The following ALDH1A2 variants were observed in gnomAD, a reference collection of about 807,000 sequenced individuals.
ALDH1A2 encodes the protein retinal dehydrogenase 2.
In ALDH1A2, 27 loss-of-function variants were observed where a neutral mutation model predicts 60.3. That is an observed-to-expected ratio of 0.45 (90% CI 0.33 to 0.62). ALDH1A2 has a LOEUF of 0.62. Among genes scored for constraint, ALDH1A2 ranks in the 20% least tolerant of loss-of-function variants. The probability of loss-of-function intolerance (pLI) is 0.02; values close to 1 mark genes in which losing one functional copy is unlikely to be tolerated. For synonymous variants in ALDH1A2, 289 were observed against 232.4 expected (o/e 1.24, Z -2.21); for missense variants, 581 against 643.8 (o/e 0.90, Z 1.06).
intron 7 of ALDH1A2, among the ~76,000 whole-genome samples, chr15:57,985,346 A>T (rs1894661976): frequency 6.6e-6 from 1 of 152,152 alleles, no homozygotes; most frequent in Admixed American, 6.5e-5. Flanking sequence ...TGAAACCTTG[A>T]TAGACCACCC....
At chr15:58,027,669 G>T (rs1329914643) in intron 1 of ALDH1A2, among the ~76,000 whole-genome samples, 2 of 152,060 alleles carry the variant, frequency 1.3e-5, no homozygotes, top group Non-Finnish European at 2.9e-5. Flanking sequence ...TAGATGAATG[G>T]CTAACTAGAA....
intron 1 of ALDH1A2, among the ~76,000 whole-genome samples, chr15:58,057,713 T>C (rs566355319): frequency 6.6e-6 from 1 of 152,286 alleles, no homozygotes; most frequent in South Asian, 2.1e-4. Flanking sequence ...ATAGCTACTG[T>C]GTGCATGACC....
At chr15:57,972,688 GAGA>G (rs748643820) in intron 7 of ALDH1A2, among the ~76,000 whole-genome samples, 16 of 152,292 alleles carry the variant, frequency 1.1e-4, no homozygotes, top group Admixed American at 6.5e-4. Flanking sequence ...TTTTTAAAAA[GAGA>G]AGTTTTATGC....
At chr15:58,035,652 G>C (rs1388508219) in intron 1 of ALDH1A2, among the ~76,000 whole-genome samples, 1 of 151,576 alleles carries the variant, frequency 6.6e-6, no homozygotes, top group African/African-American at 2.4e-5. Flanking sequence ...TTTCTCTTGA[G>C]ACTTACTCTT....
At chr15:57,967,627 T>C (rs1893939396) in intron 7 of ALDH1A2, among the ~76,000 whole-genome samples, 1 of 152,202 alleles carries the variant, frequency 6.6e-6, no homozygotes, top group African/African-American at 2.4e-5. Context: ...ATCCCCATCC[T>C]GAGAAAAGCT....
At chr15:57,987,009 G>A (rs1260143648) in intron 7 of ALDH1A2, among the ~76,000 whole-genome samples, 1 of 152,158 alleles carries the variant, frequency 6.6e-6, no homozygotes, top group Non-Finnish European at 1.5e-5. Flanking sequence ...ATAAAGGGGT[G>A]TAGCGAGGAA....
chr15:57,988,740 G>C (rs1365301104), intron 7 of ALDH1A2, among the ~76,000 whole-genome samples: 1 of 152,206 alleles, frequency 6.6e-6, no homozygotes, highest in Non-Finnish European at 1.5e-5. Flanking sequence ...AACGTTAAAA[G>C]ATCTTCAGTG....
chr15:58,010,205 A>C (rs1895585773), intron 4 of ALDH1A2, among the ~76,000 whole-genome samples: 1 of 152,140 alleles, frequency 6.6e-6, no homozygotes, highest in African/African-American at 2.4e-5. Context: ...AATCAGCCAT[A>C]ATCTCACCAC....
Position 58,065,658 on chromosome 15 carries a change from G to A in ALDH1A2, c.-8C>T, listed in dbSNP as rs773909362. 5 of 1,578,264 alleles carry A rather than the reference G, an allele frequency of 3.2e-6. No individual in the cohort carries two copies. The highest frequency in any genetic ancestry group is 1.2e-5 in the South Asian group (1 of 86,216). ...TATCTTGCTGGAAGTCATGGTGGCGGGCCGGGTGTCCCTAGCCCGCGGCGT... is the reference window on the plus strand; with the variant it reads ...TATCTTGCTGGAAGTCATGGTGGCGAGCCGGGTGTCCCTAGCCCGCGGCGT... On this transcript the variant is annotated 5_prime_UTR_variant, in exon 1 of 13. Transcript: ENST00000249750.
intron 7 of ALDH1A2, among the ~76,000 whole-genome samples, chr15:57,982,106 C>T (rs187544355): frequency 9.0e-4 from 137 of 152,284 alleles, no homozygotes; most frequent in South Asian, 1.5e-3. Context: ...GAACACCCCT[C>T]ACTAGTGCCC....
chr15:58,008,948 A>T lies in ALDH1A2; in HGVS notation c.493+1701T>A, dbSNP rs113154361. Among the ~76,000 whole-genome samples, 1,084 of 152,258 alleles carry T rather than the reference A, an allele frequency of 7.1e-3. 7 individuals are homozygous for T. Among genetic ancestry groups the T allele is most frequent in the Non-Finnish European group, 0.012 (797 of 68,002 alleles). On this transcript the variant is annotated intron_variant, in intron 4 of 12. Coordinates refer to ENST00000249750, the MANE Select transcript of ALDH1A2 (RefSeq NM_003888.4). ...GCTGTTCTGTAATATCCTTAGAGTC[A>T]GAACTGAACTAAGATTCTGACTTTC...
chr15:57,987,183 T>C (rs1288378667), intron 7 of ALDH1A2, among the ~76,000 whole-genome samples: 3 of 151,750 alleles, frequency 2.0e-5, no homozygotes, highest in Admixed American at 6.6e-5. Flanking sequence ...AGAGTCCCAG[T>C]GACCCATGGG....
At chr15:57,999,161 C>T (rs11635954) in intron 4 of ALDH1A2, among the ~76,000 whole-genome samples, 134,854 of 152,178 alleles carry the variant, frequency 0.89, 61,025 homozygotes, top group East Asian at 1. Flanking sequence ...ATGATGAAAA[C>T]GTCAAAAGCA....
At chr15:57,994,553 C>A (rs1894990551) in intron 5 of ALDH1A2, among the ~76,000 whole-genome samples, 1 of 152,132 alleles carries the variant, frequency 6.6e-6, no homozygotes, top group East Asian at 1.9e-4. Flanking sequence ...ACACTAAGCA[C>A]TACATCTATT....
intron 1 of ALDH1A2, among the ~76,000 whole-genome samples, chr15:58,029,717 T>G (rs1212755852): frequency 6.6e-6 from 1 of 152,046 alleles, no homozygotes; most frequent in Admixed American, 6.6e-5. Flanking sequence ...TCACCACCGA[T>G]TCCACAGAAA....
chr15:57,962,031 A>G lies in ALDH1A2; in HGVS notation c.1232T>C (p.Met411Thr), dbSNP rs1177253189. The G allele has an allele frequency of 7.4e-6, 12 of 1,614,186 alleles. No homozygotes were observed. Among genetic ancestry groups the G allele is most frequent in the Non-Finnish European group, 1.0e-5 (12 of 1,180,004 alleles). The change falls in exon 10 of 13, where the codon ATG becomes ACG. Residue 411 changes from methionine (M) to threonine (T), a missense_variant. This residue lies in a region of ALDH1A2 where 375 missense variants were observed against 469.7 expected (regional missense o/e 0.80). Coordinates refer to ENST00000249750, the MANE Select transcript of ALDH1A2 (RefSeq NM_003888.4). ...TGATACCTCCTCCTTGGCAATCCGC[A>G]TATCATCAGTGACGTTGGAAAACAC... ...PTVFSNVTDD[M>T]RIAKEEIFGP...
chr15:58,006,023 ATTTT>A (rs34604016), intron 4 of ALDH1A2, among the ~76,000 whole-genome samples: 1 of 148,896 alleles, frequency 6.7e-6, no homozygotes, highest in African/African-American at 2.5e-5. Context: ...CAAAGCAGGG[ATTTT>A]TTTTTTTTTA....
chr15:58,023,085 T>TA (rs1733822512), intron 1 of ALDH1A2, among the ~76,000 whole-genome samples: 1 of 151,782 alleles, frequency 6.6e-6, no homozygotes, highest in Admixed American at 6.6e-5. Flanking sequence ...ATTCTGAACA[T>TA]AAAAAATCAG....
intron 1 of ALDH1A2, among the ~76,000 whole-genome samples, chr15:58,020,423 C>G (rs1193085548): frequency 6.6e-6 from 1 of 152,048 alleles, no homozygotes; most frequent in Non-Finnish European, 1.5e-5. Flanking sequence ...CCTCCCACAC[C>G]AAGAACAAAT....
Sources: allele counts gnomAD v4.1 joint callset (sites outside exome capture counted in the v4.1 genomes callset), GRCh38; gene constraint gnomAD v4.1.1; regional missense constraint gnomAD v4.1.1; transcripts MANE v1.5; gene names NCBI Gene and HGNC (gene_info 2026-07-23, HGNC 2026-07-21).